The following CFHR3 variants were observed in gnomAD, a reference collection of about 807,000 sequenced individuals.
The protein encoded by CFHR3 is complement factor H-related protein 3.
A neutral mutation model predicts 36.0 loss-of-function variants in CFHR3; 22 were observed. The ratio of observed to expected loss-of-function variants is 0.61; its 90% CI spans 0.44 to 0.87. The LOEUF is 0.87. Among genes scored for constraint, CFHR3 ranks in the 40% least tolerant of loss-of-function variants. CFHR3 has a pLI of 0.00. For synonymous variants in CFHR3, 97 were observed against 137.4 expected (o/e 0.71, Z 2.06); for missense variants, 276 against 401.3 (o/e 0.69, Z 2.67).
At position 196,774,896 on chromosome 1, in the gene CFHR3, C is replaced by T. The variant is rs60627815; in HGVS notation, c.10C>T (p.Leu4=). MLL[L]INVILTLWVS... is the part of the protein sequence containing the mutation. ...ACTGAGAATATCTAACATGTTGTTA[C>T]TAATCAATGTCATTCTGACCTTGTG... The change falls in exon 1 of 6, where the codon CTA becomes TTA. Residue 4 remains leucine, a synonymous_variant. Transcript: ENST00000367425. 2.0e-3 allele frequency: 3,018 copies of T among 1,528,294 alleles called. 805 individuals carry two copies. The African/African-American group carries it at 0.041, about 21-fold the overall frequency. The allele number at this position is 1,528,294 out of a possible 1,614,324, so 94.7% of individuals were successfully genotyped here.
rs1368170748 is a variant in CFHR3 at position 196,789,031 on chromosome 1, A to T, written c.613+633A>T. 7 of 1,248,904 alleles carry T rather than the reference A, an allele frequency of 5.6e-6. 2 individuals are homozygous for T. The African/African-American group carries it at 1.4e-4, about 24-fold the overall frequency. The allele number at this position is 1,248,904 out of a possible 1,614,324, so 77.4% of individuals were successfully genotyped here. A position where few individuals can be genotyped will look rare whatever the true frequency, so the allele number is the denominator to read the frequency against. On this transcript the variant is annotated intron_variant, in intron 4 of 5. Transcript: ENST00000367425. ...AGTTCTCTGAACGTGCTCGACCTTT[A>T]CTTAGTATGATAAAGAGAATGCATA...
Position 196,795,203 on chromosome 1 carries a change from C to A in CFHR3, c.*1690C>A, listed in dbSNP as rs1654544175. The stretch of plus-strand genomic sequence containing the variant: ...GGTGGAGATAATGGAATCATGGGAG[C>A]AGTTTCCCCATACCCCACTCATGGT... On this transcript the variant is annotated 3_prime_UTR_variant, in exon 6 of 6. Coordinates refer to ENST00000367425, the MANE Select transcript of CFHR3 (RefSeq NM_021023.6). 1 of 136,264 alleles carries A rather than the reference C, an allele frequency of 7.3e-6. No homozygotes were observed. The highest frequency in any genetic ancestry group is 1.6e-5 in the Non-Finnish European group (1 of 64,428). 8.4% of individuals were successfully genotyped at this position (136,264 alleles called of 1,614,324 possible). A position where few individuals can be genotyped will look rare whatever the true frequency, so the allele number is the denominator to read the frequency against.
intron 3 of CFHR3, among the ~76,000 whole-genome samples, chr1:196,786,757 C>G (rs1327359052): frequency 7.3e-6 from 1 of 137,432 alleles, no homozygotes; most frequent in Non-Finnish European, 1.5e-5. Flanking sequence ...TTGTGCCTCC[C>G]AAGTGAGGCA....
chr1:196,777,002 C>G (rs1035948465), intron 1 of CFHR3, among the ~76,000 whole-genome samples: 1 of 134,146 alleles, frequency 7.5e-6, no homozygotes, highest in Non-Finnish European at 1.6e-5. Context: ...ATCGAATCAG[C>G]AAATATTTTT....
intron 4 of CFHR3, chr1:196,789,379 T>G: frequency 1.1e-6 from 1 of 900,942 alleles, no homozygotes; most frequent in Non-Finnish European, 1.3e-6. Flanking sequence ...CCTACATTTC[T>G]AGAATACTGT....
At chr1:196,779,745 C>A (rs1258462594) in intron 2 of CFHR3, 52 bp from the exon 3 acceptor site, 2 of 1,441,366 alleles carry the variant, frequency 1.4e-6, no homozygotes, top group Non-Finnish European at 9.3e-7. Context: ...ACTTTTTGTG[C>A]AAATTTATGT....
Position 196,777,799 on chromosome 1 carries a change from C to T in CFHR3, c.59-1363C>T, listed in dbSNP as rs1393405402. Among the ~76,000 whole-genome samples the T allele has an allele frequency of 4.5e-5, 6 of 133,342 alleles. 1 individual carries two copies. The highest frequency in any genetic ancestry group is 9.4e-5 in the Non-Finnish European group (6 of 63,668). 87.5% of individuals were successfully genotyped at this position (133,342 alleles called of 152,430 possible). A position where few individuals can be genotyped will look rare whatever the true frequency, so the allele number is the denominator to read the frequency against. On this transcript the variant is annotated intron_variant, in intron 1 of 5. Coordinates refer to ENST00000367425, the MANE Select transcript of CFHR3 (RefSeq NM_021023.6). ...GTCAGGAGTTGGAGACCAGCCCGGC[C>T]AACATGATGGAACGCTGTCTCTACT... is the stretch of plus-strand genomic sequence containing the variant.
In CFHR3 at chr1:196,786,133, G is replaced by A. The variant is rs190808782; in HGVS notation, c.431-2083G>A. On this transcript the variant is annotated intron_variant, in intron 3 of 5. Transcript: ENST00000367425. The stretch of plus-strand genomic sequence containing the variant: ...AGAACAGCGGATTTTCATGAACCGC[G>A]AATGCTGCTGTATGATGGTTCCTCT... Among the ~76,000 whole-genome samples the A allele has an allele frequency of 5.0e-3, 686 of 136,486 alleles. 106 individuals are homozygous for A. The highest frequency in any genetic ancestry group is 6.4e-3 in the Non-Finnish European group (413 of 64,406). 89.5% of individuals were successfully genotyped at this position (136,486 alleles called of 152,430 possible).
rs1025665174 is a variant in CFHR3 at position 196,786,796 on chromosome 1, G to A, written c.431-1420G>A. 2.5e-4 allele frequency among the ~76,000 whole-genome samples: 34 copies of A among 136,936 alleles called. 8 individuals are homozygous for A. Among genetic ancestry groups the A allele is most frequent in the Non-Finnish European group, 4.5e-4 (29 of 64,484 alleles). 89.8% of individuals were successfully genotyped at this position (136,936 alleles called of 152,430 possible). ...CCTTCCCCTGCTTTGGCTCACGCAC[G>A]GTGCGCTGCACCCATTGTCCTGCAC... is the stretch of plus-strand genomic sequence containing the variant. On this transcript the variant is annotated intron_variant, in intron 3 of 5. Transcript: ENST00000367425.
In CFHR3 at chr1:196,779,901, C is replaced by T. The variant is rs1653878135; in HGVS notation, c.358C>T (p.Leu120Phe). ...AGTTGCCTGCCATCCTGGCTACGGT[C>T]TTCCAAAAGCGCAGACCACAGTTAC... ...TEVACHPGYG[L>F]PKAQTTVTCT... Residue 120 changes from leucine to phenylalanine, a missense_variant, in exon 3 of 6, where the codon CTT becomes TTT. Leu to Phe is a conservative substitution (Grantham distance 22). Coordinates refer to ENST00000367425, the MANE Select transcript of CFHR3 (RefSeq NM_021023.6). The T allele has an allele frequency of 1.3e-6, 2 of 1,533,528 alleles. No individual in the cohort carries two copies. The highest frequency in any genetic ancestry group is 4.5e-5 in the East Asian group (2 of 44,680). 95.0% of individuals were successfully genotyped at this position (1,533,528 alleles called of 1,614,324 possible).
At chr1:196,786,085 TG>T (rs1184348230) in intron 3 of CFHR3, among the ~76,000 whole-genome samples, 1 of 137,008 alleles carries the variant, frequency 7.3e-6, no homozygotes, top group Non-Finnish European at 1.5e-5. Context: ...CCTGTTTGCC[TG>T]GGTATCTGCA....
At chr1:196,784,083 T>G (rs1446502064) in intron 3 of CFHR3, among the ~76,000 whole-genome samples, 2 of 136,444 alleles carry the variant, frequency 1.5e-5, no homozygotes, top group Non-Finnish European at 3.1e-5. Context: ...TCAGGAGCAG[T>G]TTGTTCAGTT....
rs387000 is a variant in CFHR3, at chr1:196,793,172, C to T, written c.797-145C>T. On this transcript the variant is annotated intron_variant, in intron 5 of 5. Coordinates refer to ENST00000367425, the MANE Select transcript of CFHR3 (RefSeq NM_021023.6). ...ACTTATTATATTTTTGAAATGCTAA[C>T]GTCAGTATGTAGCACAAGTTAATAA... 24 of 769,176 alleles carry T rather than the reference C, an allele frequency of 3.1e-5. No individual in the cohort carries two copies. The East Asian group carries it at 3.3e-4, about 11-fold the overall frequency. 47.6% of individuals were successfully genotyped at this position (769,176 alleles called of 1,614,324 possible). A position where few individuals can be genotyped will look rare whatever the true frequency, so the allele number is the denominator to read the frequency against.
At chr1:196,779,426 T>A in intron 2 of CFHR3, 70 bp downstream of exon 2, 1 of 1,164,532 alleles carries the variant, frequency 8.6e-7, no homozygotes, top group Non-Finnish European at 1.2e-6. Context: ...AGCACATAAT[T>A]GATTACTCTT....
intron 5 of CFHR3, 102 bp downstream of exon 5, chr1:196,790,329 T>C: frequency 1.7e-6 from 1 of 578,098 alleles, no homozygotes; most frequent in Non-Finnish European, 2.7e-6. Flanking sequence ...TAGAACTGTG[T>C]TCACAAACAG....
In CFHR3 at chr1:196,780,019, G is replaced by A. The variant is rs73073579; in HGVS notation, c.430+46G>A. 6,252 of 1,526,968 alleles carry A rather than the reference G, an allele frequency of 4.1e-3. 1,556 individuals are homozygous for A. The African/African-American group carries it at 0.076, about 19-fold the overall frequency. 94.6% of individuals were successfully genotyped at this position (1,526,968 alleles called of 1,614,324 possible). ...TCCCAGCATGTTCATGTCTTTCTAAGTAACACGGACGACAGTCTCAGACTT... is the reference window on the plus strand; with the variant it reads ...TCCCAGCATGTTCATGTCTTTCTAAATAACACGGACGACAGTCTCAGACTT... On this transcript the variant is annotated intron_variant, in intron 3 of 5. Transcript: ENST00000367425.
At chr1:196,785,870 A>T in intron 3 of CFHR3, among the ~76,000 whole-genome samples, 1 of 136,452 alleles carries the variant, frequency 7.3e-6, no homozygotes, top group Admixed American at 7.1e-5. Flanking sequence ...TTGGAGGAGG[A>T]GAGGTGCTCT....
chr1:196,776,193 A>G (rs1418135226), intron 1 of CFHR3, among the ~76,000 whole-genome samples: 1 of 130,290 alleles, frequency 7.7e-6, no homozygotes, highest in Non-Finnish European at 1.6e-5. Context: ...TCTTAAAAGC[A>G]CTATAGAAAA....
chr1:196,788,618 C>G, intron 4 of CFHR3: 1 of 1,307,478 alleles, frequency 7.6e-7, no homozygotes, highest in Non-Finnish European at 1.0e-6. Flanking sequence ...CTCAATCTGC[C>G]TTTACATAAA....
Sources: allele counts gnomAD v4.1 joint callset (sites outside exome capture counted in the v4.1 genomes callset), GRCh38; gene constraint gnomAD v4.1.1; transcripts MANE v1.5; gene names NCBI Gene and HGNC (gene_info 2026-07-23, HGNC 2026-07-21).